The following KIF16B variants were observed in gnomAD, a reference collection of about 807,000 sequenced individuals.
The protein encoded by KIF16B is kinesin family member 16B.
In KIF16B, 98 loss-of-function variants were observed where a neutral mutation model predicts 156.3. The ratio of observed to expected loss-of-function variants is 0.63; its 90% CI spans 0.53 to 0.74. The LOEUF is 0.74. Among genes scored for constraint, KIF16B ranks in the 30% least tolerant of loss-of-function variants. The probability of loss-of-function intolerance (pLI) is 0.00; values close to 1 mark genes in which losing one functional copy is unlikely to be tolerated. For missense variants in KIF16B, 1,421 were observed against 1,606.5 expected (o/e 0.88, Z 1.97); for synonymous variants, 564 against 583.7 (o/e 0.97, Z 0.49).
chr20:16,504,314 CT>C (rs1288647073), intron 10 of KIF16B, 57 bp downstream of exon 10: 4 of 1,536,098 alleles, frequency 2.6e-6, no homozygotes, highest in Non-Finnish European at 3.6e-6. Context: ...TCATTAAGAT[CT>C]AGAAATAGAT....
At chr20:16,344,252 T>G (rs1015266502) in intron 23 of KIF16B, among the ~76,000 whole-genome samples, 1 of 152,230 alleles carries the variant, frequency 6.6e-6, no homozygotes, top group African/African-American at 2.4e-5. Context: ...CAAATGGTAC[T>G]AAGCCAGAAG....
intron 1 of KIF16B, among the ~76,000 whole-genome samples, chr20:16,551,880 G>A (rs1483017195): frequency 6.6e-6 from 1 of 152,156 alleles, no homozygotes; most frequent in Non-Finnish European, 1.5e-5. Flanking sequence ...GAAGGCTCAA[G>A]TTGCACCTGG....
chr20:16,507,903 A>G, intron 7 of KIF16B, 55 bp downstream of exon 7: 1 of 1,597,414 alleles, frequency 6.3e-7, no homozygotes. Context: ...GCTGGTGCTA[A>G]TCAGCAAGTA....
At chr20:16,452,825 A>G (rs1005209873) in intron 12 of KIF16B, among the ~76,000 whole-genome samples, 3 of 149,784 alleles carry the variant, frequency 2.0e-5, no homozygotes, top group African/African-American at 7.4e-5. Flanking sequence ...ACAGAGTGAG[A>G]CTCCGTCTCA....
intron 12 of KIF16B, among the ~76,000 whole-genome samples, chr20:16,450,118 A>C (rs574024302): frequency 8.6e-4 from 131 of 152,358 alleles, no homozygotes; most frequent in Non-Finnish European, 1.3e-3. Context: ...AGCCTATTTC[A>C]ATATTTCCAT....
intron 24 of KIF16B, among the ~76,000 whole-genome samples, chr20:16,317,071 T>C (rs1158415044): frequency 2.0e-5 from 3 of 152,268 alleles, no homozygotes; most frequent in Non-Finnish European, 4.4e-5. Flanking sequence ...TTTTATTTGA[T>C]TTCTCACGTT....
In KIF16B at chr20:16,506,048, G is replaced by A. The variant is rs748873470; in HGVS notation, c.842C>T (p.Thr281Ile). The change falls in exon 8 of 26, where the codon ACT becomes ATT. Residue 281 changes from threonine (T) to isoleucine (I), a missense_variant. Thr to Ile is a moderately conservative substitution (Grantham distance 89). Transcript: ENST00000354981. ...TAAGGCAGAAATGACGTTCCCCAGAGTCACGAGGGACTTGTTAATATTTCC... is the reference window on the plus strand; with the variant it reads ...TAAGGCAGAAATGACGTTCCCCAGAATCACGAGGGACTTGTTAATATTTCC... The part of the protein sequence containing the change: ...EGGNINKSLV[T>I]LGNVISALAD... 1.9e-6 allele frequency: 3 copies of A among 1,614,008 alleles called. No individual in the cohort carries two copies. Among genetic ancestry groups the A allele is most frequent in the South Asian group, 1.1e-5 (1 of 91,078 alleles).
At chr20:16,431,535 T>C (rs987216842) in intron 12 of KIF16B, among the ~76,000 whole-genome samples, 1 of 152,130 alleles carries the variant, frequency 6.6e-6, no homozygotes, top group African/African-American at 2.4e-5. Context: ...CTGTCACTGC[T>C]ATCCTTCTCT....
intron 12 of KIF16B, among the ~76,000 whole-genome samples, chr20:16,445,019 T>G (rs1362694547): frequency 6.6e-6 from 1 of 152,150 alleles, no homozygotes; most frequent in Non-Finnish European, 1.5e-5. Context: ...TACTATAGAT[T>G]GTGAACGGAA....
At chr20:16,507,218 T>G (rs747174940) in intron 7 of KIF16B, among the ~76,000 whole-genome samples, 3 of 152,094 alleles carry the variant, frequency 2.0e-5, no homozygotes, top group African/African-American at 7.2e-5. Flanking sequence ...GATTAAGATG[T>G]GGAGAATTTA....
At chr20:16,509,084 T>C (rs1361430595) in intron 6 of KIF16B, among the ~76,000 whole-genome samples, 1 of 152,276 alleles carries the variant, frequency 6.6e-6, no homozygotes, top group East Asian at 1.9e-4. Context: ...TACATACAAA[T>C]GGTAGCATAC....
intron 15 of KIF16B, among the ~76,000 whole-genome samples, chr20:16,425,334 T>C (rs1325805098): frequency 6.6e-6 from 1 of 152,040 alleles, no homozygotes; most frequent in Non-Finnish European, 1.5e-5. Flanking sequence ...GACCAAAACC[T>C]AGTAAATAAA....
intron 23 of KIF16B, among the ~76,000 whole-genome samples, chr20:16,345,518 G>A (rs1037399763): frequency 2.0e-5 from 3 of 152,162 alleles, no homozygotes; most frequent in African/African-American, 4.8e-5. Context: ...TAGGCATTAC[G>A]GGACGTAAGA....
At chr20:16,404,956 G>A (rs1047278390) in intron 16 of KIF16B, 55 bp from the exon 17 acceptor site, 6 of 1,240,714 alleles carry the variant, frequency 4.8e-6, no homozygotes, top group Non-Finnish European at 7.1e-6. Flanking sequence ...AAAGGCCACT[G>A]CTCTGGACTC....
At chr20:16,547,618 T>TTTCCA (rs2070463064) in intron 1 of KIF16B, among the ~76,000 whole-genome samples, 3 of 151,856 alleles carry the variant, frequency 2.0e-5, no homozygotes, top group Non-Finnish European at 4.4e-5. Context: ...CTGGTCTCAC[T>TTTCCA]CTGAGCATGC....
intron 23 of KIF16B, among the ~76,000 whole-genome samples, chr20:16,355,946 G>C (rs1282234328): frequency 6.6e-6 from 1 of 152,200 alleles, no homozygotes; most frequent in Non-Finnish European, 1.5e-5. Context: ...TTTTATAGAT[G>C]AGAAAAATTA....
chr20:16,398,912 G>A (rs1206071246), intron 17 of KIF16B, among the ~76,000 whole-genome samples: 1 of 152,158 alleles, frequency 6.6e-6, no homozygotes. Flanking sequence ...CAGGAGGCGT[G>A]TTTGTGTTTG....
chr20:16,284,000 A>G (rs1380832835), intron 25 of KIF16B, among the ~76,000 whole-genome samples: 1 of 152,236 alleles, frequency 6.6e-6, no homozygotes, highest in East Asian at 1.9e-4. Flanking sequence ...GCCAGCCATC[A>G]GATTCCCTTC....
intron 1 of KIF16B, among the ~76,000 whole-genome samples, chr20:16,537,305 C>G (rs6075068): frequency 0.13 from 20,284 of 151,918 alleles, 1,671 homozygotes; most frequent in South Asian, 0.19. Flanking sequence ...CAACTCCCAA[C>G]CATTCCTCTA....
Sources: allele counts gnomAD v4.1 joint callset (sites outside exome capture counted in the v4.1 genomes callset), GRCh38; gene constraint gnomAD v4.1.1; transcripts MANE v1.5; gene names NCBI Gene and HGNC (gene_info 2026-07-23, HGNC 2026-07-21).